The following PCNX2 variants were observed in gnomAD, a reference collection of about 807,000 sequenced individuals.
PCNX2 encodes pecanex 2, also known as pecanex-like protein 2.
In PCNX2, 168 loss-of-function variants were observed where a neutral mutation model predicts 223.8. The ratio of observed to expected loss-of-function variants is 0.75; its 90% CI spans 0.66 to 0.85. PCNX2 has a LOEUF of 0.85. Among genes scored for constraint, PCNX2 ranks in the 40% least tolerant of loss-of-function variants. The pLI, the probability that PCNX2 is intolerant of heterozygous loss-of-function variation, is 0.00. For missense variants in PCNX2, 2,507 were observed against 2,675.5 expected, an observed-to-expected ratio of 0.94 and a Z score of 1.39; for synonymous variants, 1,006 against 1,052.6, an observed-to-expected ratio of 0.96 and a Z score of 0.86.
the PCNX2 span, among the ~76,000 whole-genome samples, chr1:233,323,277 A>T: frequency 3.9e-5 from 6 of 152,230 alleles, no homozygotes; most frequent in Non-Finnish European, 5.9e-5. Context: ...CACTGGGGAA[A>T]GTGTTAATGT....
At chr1:233,123,404 AC>A (rs1184640042) in intron 21 of PCNX2, among the ~76,000 whole-genome samples, 10 of 152,042 alleles carry the variant, frequency 6.6e-5, no homozygotes, top group African/African-American at 2.4e-4. Context: ...ACATGGTGAA[AC>A]CCCATCTCTA....
rs1572046050 is a variant in PCNX2, at chr1:233,048,865, G to A, written c.4351+5403C>T. Among the ~76,000 whole-genome samples, 3 of 152,222 alleles carry A rather than the reference G, an allele frequency of 2.0e-5. No individual in the cohort carries two copies. In the South Asian group the frequency reaches 6.2e-4, roughly 32 times the overall value. Reference sequence around the variant, plus strand: ...TAAAAGAATACAAAAGATCTTCAGAGACTATTATGAATATCTCTATGCATA... The same window carrying A: ...TAAAAGAATACAAAAGATCTTCAGAAACTATTATGAATATCTCTATGCATA... On this transcript the variant is annotated intron_variant, in intron 25 of 33. Transcript: ENST00000258229.
intron 23 of PCNX2, among the ~76,000 whole-genome samples, chr1:233,076,161 G>A (rs1016079813): frequency 1.3e-5 from 2 of 152,254 alleles, no homozygotes; most frequent in South Asian, 2.1e-4. Flanking sequence ...TTAAGGTTTC[G>A]ACTTCTGGCT....
Position 233,295,697 on chromosome 1 carries a change from C to G in PCNX2, c.-219G>C. 1 of 434,188 alleles carries G rather than the reference C, an allele frequency of 2.3e-6. No homozygotes were observed. The highest frequency in any genetic ancestry group is 3.8e-6 in the Non-Finnish European group (1 of 264,440). 26.9% of individuals were successfully genotyped at this position (434,188 alleles called of 1,614,324 possible). ...CGGCGCCGGAGCCGGCTGCTGCGGC[C>G]GGGCAGGTGAGCGCCATGTCCGAGG... On this transcript the variant is annotated 5_prime_UTR_variant, in exon 1 of 34. Coordinates refer to ENST00000258229, the MANE Select transcript of PCNX2 (RefSeq NM_014801.4). This position sits in a 1 kb window ranked among gnomAD's most constrained non-coding sequence, Gnocchi z 4.1.
Position 233,000,690 on chromosome 1 carries a change from A to G in PCNX2, c.5098-155T>C, listed in dbSNP as rs566756112. ...TTTTTCCAAATCCTGAGCTCGGCAC[A>G]GAGGACACCTCTTTATCTCATTGCC... On this transcript the variant is annotated intron_variant, in intron 29 of 33. Coordinates refer to ENST00000258229, the MANE Select transcript of PCNX2 (RefSeq NM_014801.4). This position sits in a 1 kb window ranked among gnomAD's most constrained non-coding sequence, Gnocchi z 4.6. Among the ~76,000 whole-genome samples the G allele has an allele frequency of 2.6e-5, 4 of 152,362 alleles. No homozygotes were observed. In the South Asian group the frequency reaches 6.2e-4, roughly 24 times the overall value.
At chr1:233,156,646 G>A (rs113189579) in intron 19 of PCNX2, among the ~76,000 whole-genome samples, 9,063 of 152,220 alleles carry the variant, frequency 0.06, 515 homozygotes, top group East Asian at 0.31. Context: ...GGCTGGGCAC[G>A]GTGGCTCATG....
intron 23 of PCNX2, among the ~76,000 whole-genome samples, chr1:233,084,323 C>T (rs566684236): frequency 1.3e-5 from 2 of 152,292 alleles, no homozygotes; most frequent in South Asian, 4.1e-4. Context: ...GATACAGATG[C>T]AGAGTTGATA....
chr1:233,230,464 T>C (rs1454695119), intron 9 of PCNX2, among the ~76,000 whole-genome samples: 1 of 152,224 alleles, frequency 6.6e-6, no homozygotes, highest in Non-Finnish European at 1.5e-5. Context: ...TGTCTCTGAT[T>C]CATTAAGCCT....
chr1:233,074,623 A>AAG (rs1673012213), intron 23 of PCNX2, among the ~76,000 whole-genome samples: 1 of 148,410 alleles, frequency 6.7e-6, no homozygotes, highest in East Asian at 2.0e-4. Context: ...AAAAAAAAAA[A>AAG]GAGGACGAAA....
intron 19 of PCNX2, among the ~76,000 whole-genome samples, chr1:233,154,317 T>C (rs537293825): frequency 7.2e-5 from 11 of 152,312 alleles, no homozygotes; most frequent in South Asian, 2.1e-4. Context: ...CCTGACCTCA[T>C]GGTCCACCCA....
the PCNX2 span, among the ~76,000 whole-genome samples, chr1:233,319,974 A>G: frequency 8.7e-3 from 1,318 of 152,284 alleles, 28 homozygotes; most frequent in African/African-American, 0.03. Flanking sequence ...TATGTTTATA[A>G]ATTTCTTTTA....
At chr1:233,087,928 A>C (rs1433762494) in intron 23 of PCNX2, among the ~76,000 whole-genome samples, 1 of 152,192 alleles carries the variant, frequency 6.6e-6, no homozygotes, top group African/African-American at 2.4e-5. Context: ...CATACAGGGA[A>C]CCTAGTGCTA....
intron 8 of PCNX2, among the ~76,000 whole-genome samples, chr1:233,242,200 T>A (rs1658810822): frequency 6.6e-6 from 1 of 152,166 alleles, no homozygotes. Context: ...ATTTATAAAC[T>A]AAAAATATCT....
rs761289983 is a variant in PCNX2, at chr1:233,139,721, C to G, written c.3652G>C (p.Gly1218Arg). The G allele has an allele frequency of 1.9e-6, 3 of 1,600,576 alleles. No individual in the cohort carries two copies. The highest frequency in any genetic ancestry group is 2.6e-6 in the Non-Finnish European group (3 of 1,172,868). Residue 1218 changes from glycine (G) to arginine (R), a missense_variant, in exon 20 of 34, where the codon GGT (glycine) becomes CGT (arginine). Around this residue, in one of 3 missense-constraint regions of PCNX2, gnomAD observed 1,372 missense variants for 1,509.4 expected, o/e 0.91. Coordinates refer to ENST00000258229, the MANE Select transcript of PCNX2 (RefSeq NM_014801.4). The surrounding 1 kb of genome is among the most constrained non-coding windows in gnomAD (Gnocchi z 4.4). ...AFLISNHRRL[G>R]THWDIFLMII... ...AAACCATTAACCACTTACTGGGTACCAAGTCTCCGGTGATTGCTTATTAAA... is the reference window on the plus strand; with the variant it reads ...AAACCATTAACCACTTACTGGGTACGAAGTCTCCGGTGATTGCTTATTAAA...
At chr1:233,017,352 C>G (rs1361257160) in intron 26 of PCNX2, among the ~76,000 whole-genome samples, 198 bp from the exon 27 acceptor site, 2 of 114,736 alleles carry the variant, frequency 1.7e-5, no homozygotes, top group African/African-American at 7.2e-5. Flanking sequence ...GAGTCTTGCT[C>G]TGTCACCCAG....
At chr1:233,290,834 A>G (rs1474270365) in intron 1 of PCNX2, 1 of 985,334 alleles carries the variant, frequency 1.0e-6, no homozygotes, top group Admixed American at 6.1e-5. Flanking sequence ...AGCTCCAGCC[A>G]TAGAACGAAA....
Position 233,014,650 on chromosome 1 carries a change from T to C in PCNX2, c.4952+15A>G, listed in dbSNP as rs745696073. The C allele has an allele frequency of 7.5e-5, 121 of 1,605,770 alleles. No homozygotes were observed. The highest frequency in any genetic ancestry group is 9.6e-5 in the Non-Finnish European group (113 of 1,172,842). On this transcript the variant is annotated intron_variant, in intron 28 of 33. Coordinates refer to ENST00000258229, the MANE Select transcript of PCNX2 (RefSeq NM_014801.4). ...TGCCTGTACCTAAGAGATTCTAACT[T>C]CTCCCCCCAGGTACCTGATGGCCAT...
chr1:233,295,389 G>C lies in PCNX2; in HGVS notation c.90C>G (p.Phe30Leu), dbSNP rs1662022049. 6.4e-7 allele frequency: 1 copy of C among 1,557,660 alleles called. No homozygotes were observed. The highest frequency in any genetic ancestry group is 1.4e-5 in the African/African-American group (1 of 73,366). ...ACAGGTAGAGGTGGCAGCTGTTGGT[G>C]AACTTGCTCTGCTCCGGGTCGTGGT... ...GWYHDPEQSK[F>L]TNSCHLYLWL... The change falls in exon 1 of 34, where the codon TTC becomes TTG. Residue 30 changes from phenylalanine (F) to leucine (L), a missense_variant. Physicochemically the swap from Phe to Leu is conservative, Grantham distance 22 (BLOSUM62 0). Around this residue, in one of 3 missense-constraint regions of PCNX2, gnomAD observed 1,031 missense variants for 1,021.7 expected, o/e 1.01. Coordinates refer to ENST00000258229, the MANE Select transcript of PCNX2 (RefSeq NM_014801.4). This position sits in a 1 kb window ranked among gnomAD's most constrained non-coding sequence, Gnocchi z 4.1.
chr1:233,210,239 C>A (rs934877727), intron 12 of PCNX2, among the ~76,000 whole-genome samples: 1 of 152,110 alleles, frequency 6.6e-6, no homozygotes, highest in Non-Finnish European at 1.5e-5. Context: ...TGTTTTGGGT[C>A]CCCAAACCAT....
Sources: gnomAD v4.1 joint callset for allele counts (sites outside exome capture counted in the v4.1 genomes callset) on GRCh38, gnomAD v4.1.1 for gene constraint, gnomAD v4.1.1 regional missense constraint, Gnocchi (gnomAD v3.1) non-coding constraint, MANE v1.5 for transcripts, NCBI Gene and HGNC (gene_info 2026-07-23, HGNC 2026-07-21) for gene names.